DNAH9: variants seen among roughly 807,000 people sequenced by gnomAD.
DNAH9 encodes dynein axonemal heavy chain 9.
Under a neutral mutation model 471.6 loss-of-function variants are expected in DNAH9, and 345 were observed. The observed-to-expected ratio is 0.73, with a 90% CI of 0.67 to 0.80. The LOEUF is 0.80. Ranked by LOEUF, DNAH9 falls within the 30% of genes least tolerant of loss-of-function variation. DNAH9 has a pLI of 0.00. For synonymous variants in DNAH9, 2,093 were observed against 2,123.6 expected, an observed-to-expected ratio of 0.99 and a Z score of 0.40; for missense variants, 5,407 against 5,609.2, an observed-to-expected ratio of 0.96 and a Z score of 1.15.
intron 50 of DNAH9, among the ~76,000 whole-genome samples, chr17:11,860,560 GTTGT>G (rs1260661868): frequency 4.6e-5 from 7 of 151,440 alleles, no homozygotes; most frequent in Non-Finnish European, 8.8e-5. Context: ...TTTGTTTTTT[GTTGT>G]TTGTTGTTTT....
At position 11,613,509 on chromosome 17, in the gene DNAH9, GCAGAAGAAT is replaced by G. The variant is rs1161548370; in HGVS notation, c.904+1732_904+1740del. On this transcript the variant is annotated intron_variant, in intron 4 of 68. Coordinates refer to ENST00000262442, the MANE Select transcript of DNAH9 (RefSeq NM_001372.4). ...AGTCCCAGCTAATTGGGAGGCTGAG[GCAGAAGAAT>G]CACTTGAACCTGGGAGGCAGAGGTT... Among the ~76,000 whole-genome samples, 6 of 152,218 alleles carry G rather than the reference GCAGAAGAAT, an allele frequency of 3.9e-5. No individual in the cohort carries two copies. In the East Asian group the frequency reaches 1.2e-3, roughly 29 times the overall value.
rs201334916 is a variant in DNAH9 at position 11,886,975 on chromosome 17, A to G, written c.11112+10A>G. The G allele has an allele frequency of 4.3e-4, 686 of 1,605,426 alleles. 1 individual carries two copies. The African/African-American group carries it at 6.0e-3, about 14-fold the overall frequency. ...CCAGTTTTCTCTCAAGGTGACTTAC[A>G]CCTGGAGTTTCTTGCCTGATTATAA... On this transcript the variant is annotated intron_variant, in intron 57 of 68. Coordinates refer to ENST00000262442, the MANE Select transcript of DNAH9 (RefSeq NM_001372.4).
intron 19 of DNAH9, among the ~76,000 whole-genome samples, chr17:11,682,871 A>G (rs2074159324): frequency 6.6e-6 from 1 of 152,188 alleles, no homozygotes; most frequent in African/African-American, 2.4e-5. Flanking sequence ...CTAAGTCTGT[A>G]TCCCTTTAGA....
chr17:11,680,009 G>T (rs763907518), intron 18 of DNAH9, 30 bp downstream of exon 18: 10 of 1,546,562 alleles, frequency 6.5e-6, no homozygotes, highest in Non-Finnish European at 8.9e-6. Flanking sequence ...CCTTATAAAA[G>T]AAATAGAGGA....
Position 11,969,436 on chromosome 17 carries a change from G to A in DNAH9, c.13370G>A (p.Gly4457Glu), listed in dbSNP as rs1430722938. The stretch of plus-strand genomic sequence containing the variant: ...CCTGTGTACAAGACTAGTCAGCGGG[G>A]ACCCACCTACGTGTGGACTTTCAAC... The part of the protein sequence containing the change: ...SCPVYKTSQR[G>E]PTYVWTFNLK... The change falls in exon 69 of 69, where the codon GGA (glycine) becomes GAA (glutamate). Residue 4457 changes from glycine to glutamate, a missense_variant. By Grantham distance (98) the Gly-to-Glu change is moderately conservative. Around this residue, in one of 3 missense-constraint regions of DNAH9, gnomAD observed 4,636 missense variants for 4,900.3 expected, o/e 0.95. Coordinates refer to ENST00000262442, the MANE Select transcript of DNAH9 (RefSeq NM_001372.4). The A allele has an allele frequency of 6.2e-7, 1 of 1,613,890 alleles. No individual in the cohort carries two copies. Among genetic ancestry groups the A allele is most frequent in the South Asian group, 1.1e-5 (1 of 91,068 alleles).
At chr17:11,891,101 G>GATTCAC (rs1973036346) in intron 57 of DNAH9, among the ~76,000 whole-genome samples, 1 of 152,132 alleles carries the variant, frequency 6.6e-6, no homozygotes, top group Non-Finnish European at 1.5e-5. Flanking sequence ...ATGGAAAACT[G>GATTCAC]ATTCACATGA....
chr17:11,852,724 A>G (rs1210259827), intron 49 of DNAH9, among the ~76,000 whole-genome samples: 2 of 150,828 alleles, frequency 1.3e-5, no homozygotes, highest in Non-Finnish European at 3.0e-5. Context: ...GTAGGAATGA[A>G]GAGTGAGGCA....
intron 27 of DNAH9, among the ~76,000 whole-genome samples, chr17:11,724,421 C>A (rs2075117154): frequency 6.6e-6 from 1 of 152,148 alleles, no homozygotes; most frequent in South Asian, 2.1e-4. Context: ...TGAATGACAG[C>A]ATGTGATATT....
intron 11 of DNAH9, among the ~76,000 whole-genome samples, chr17:11,646,653 C>G (rs1020864571): frequency 1.3e-5 from 2 of 152,118 alleles, no homozygotes; most frequent in African/African-American, 4.8e-5. Context: ...GTGGCTCAAG[C>G]GTGTAATCCC....
intron 55 of DNAH9, 79 bp downstream of exon 55, chr17:11,881,492 C>A: frequency 7.0e-7 from 1 of 1,426,802 alleles, no homozygotes. Flanking sequence ...CAGAGGGGGG[C>A]TGTTTTTCCT....
chr17:11,883,433 T>C (rs1972789456), intron 55 of DNAH9, among the ~76,000 whole-genome samples, 153 bp from the exon 56 acceptor site: 1 of 152,182 alleles, frequency 6.6e-6, no homozygotes, highest in Non-Finnish European at 1.5e-5. Context: ...CCAATTTGAC[T>C]CCTTGTCTCC....
chr17:11,894,532 ATC>A, intron 59 of DNAH9, 36 bp downstream of exon 59: 1 of 1,600,946 alleles, frequency 6.2e-7, no homozygotes, highest in Non-Finnish European at 8.5e-7. Flanking sequence ...CCAAGCTCTC[ATC>A]TCTCAGAATT....
chr17:11,827,413 C>G (rs1222347733), intron 48 of DNAH9, among the ~76,000 whole-genome samples: 1 of 152,150 alleles, frequency 6.6e-6, no homozygotes. Context: ...GACCAAGTAT[C>G]TCACATGGTG....
intron 13 of DNAH9, among the ~76,000 whole-genome samples, chr17:11,651,788 C>T (rs1422749917): frequency 1.3e-5 from 2 of 152,148 alleles, no homozygotes; most frequent in Admixed American, 6.5e-5. Flanking sequence ...GTGTATGGGA[C>T]ATGGTCTCTA....
In DNAH9 at chr17:11,598,498, G is replaced by C. The variant is rs1468020564; in HGVS notation, c.-1G>C. On this transcript the variant is annotated 5_prime_UTR_variant, in exon 1 of 69. Transcript: ENST00000262442. ...ACCGATGCAGCTGGAGGCCGCGCGC[G>C]ATGCGGCTCGCGGAGGAGCGGGCCG... 2.2e-6 allele frequency: 3 copies of C among 1,367,016 alleles called. No individual in the cohort carries two copies. Among genetic ancestry groups the C allele is most frequent in the Admixed American group, 7.9e-5 (2 of 25,410 alleles). The allele number at this position is 1,367,016 out of a possible 1,614,324, so 84.7% of individuals were successfully genotyped here.
At chr17:11,777,921 A>G (rs1274242277) in intron 38 of DNAH9, among the ~76,000 whole-genome samples, 7 of 152,160 alleles carry the variant, frequency 4.6e-5, no homozygotes, top group Non-Finnish European at 1.5e-5. Flanking sequence ...TAGTATAATG[A>G]AATTGAAGGG....
At chr17:11,909,101 T>C (rs969933485) in intron 61 of DNAH9, among the ~76,000 whole-genome samples, 7 of 152,212 alleles carry the variant, frequency 4.6e-5, no homozygotes, top group African/African-American at 1.7e-4. Context: ...ATCATTTCCT[T>C]GTGTTGGGAA....
At chr17:11,906,958 C>T (rs1973623032) in intron 61 of DNAH9, among the ~76,000 whole-genome samples, 1 of 152,124 alleles carries the variant, frequency 6.6e-6, no homozygotes, top group African/African-American at 2.4e-5. Context: ...AGCAAACCAC[C>T]ATGGCACATG....
intron 49 of DNAH9, among the ~76,000 whole-genome samples, chr17:11,838,836 G>T (rs926026662): frequency 7.9e-5 from 12 of 152,246 alleles, no homozygotes; most frequent in South Asian, 2.1e-4. Flanking sequence ...TGAGCCCAAG[G>T]ACTCCTCGAC....
Sources: gnomAD v4.1 joint callset for allele counts (sites outside exome capture counted in the v4.1 genomes callset) on GRCh38, gnomAD v4.1.1 for gene constraint, gnomAD v4.1.1 regional missense constraint, MANE v1.5 for transcripts, NCBI Gene and HGNC (gene_info 2026-07-23, HGNC 2026-07-21) for gene names.